IL1RAPL2: variants seen among roughly 807,000 people sequenced by gnomAD.
IL1RAPL2 encodes the protein interleukin 1 receptor accessory protein like 2.
A neutral mutation model predicts 44.1 loss-of-function variants in IL1RAPL2; 3 were observed. The observed-to-expected ratio is 0.07, with a 90% CI of 0.03 to 0.18. IL1RAPL2 has a LOEUF of 0.18. Among genes scored for constraint, IL1RAPL2 ranks in the 10% least tolerant of loss-of-function variants. The pLI is 1.00. For missense variants in IL1RAPL2, 391 were observed against 496.4 expected (o/e 0.79, Z 2.02); for synonymous variants, 181 against 178.8 (o/e 1.01, Z -0.10).
At chrX:104,674,225 G>A (rs1012833731) in intron 2 of IL1RAPL2, among the ~76,000 whole-genome samples, 7 of 111,731 alleles carry the variant, frequency 6.3e-5, no homozygotes, top group African/African-American at 1.3e-4. Context: ...GTATGATATC[G>A]GCTGTGGGTT....
chrX:105,532,254 A>T (rs1470383204), intron 6 of IL1RAPL2, among the ~76,000 whole-genome samples: 1 of 111,510 alleles, frequency 9.0e-6, no homozygotes, highest in Non-Finnish European at 1.9e-5. Context: ...TAACACCACA[A>T]TTTGTTTCTC....
chrX:104,610,344 C>T (rs1929124212), intron 1 of IL1RAPL2, among the ~76,000 whole-genome samples: 1 of 111,035 alleles, frequency 9.0e-6, no homozygotes, highest in Non-Finnish European at 1.9e-5. Flanking sequence ...GTCAAATTGT[C>T]CCTGTTTGCA....
intron 1 of IL1RAPL2, among the ~76,000 whole-genome samples, chrX:104,658,132 A>G (rs1339516124): frequency 8.9e-6 from 1 of 112,180 alleles, no homozygotes; most frequent in East Asian, 2.8e-4. Context: ...TAACCAAAGG[A>G]TTATAAATCA....
chrX:104,702,425 A>G lies in IL1RAPL2; in HGVS notation c.82+43430A>G, dbSNP rs1454022963. Among the ~76,000 whole-genome samples, 4 of 111,977 alleles carry G rather than the reference A, an allele frequency of 3.6e-5. No individual in the cohort carries two copies. The East Asian group carries it at 1.1e-3, about 32-fold the overall frequency. ...GGACATGCCAGGAAGAAGGAAAGGA[A>G]AGCACTTATAGTTTTTACAACAAAA... On this transcript the variant is annotated intron_variant, in intron 2 of 10. Coordinates refer to ENST00000372582, the MANE Select transcript of IL1RAPL2 (RefSeq NM_017416.2).
intron 6 of IL1RAPL2, among the ~76,000 whole-genome samples, chrX:105,679,929 T>C (rs1024861601): frequency 1.8e-5 from 2 of 111,961 alleles, no homozygotes; most frequent in African/African-American, 3.2e-5. Flanking sequence ...AGCTCTTTAT[T>C]ATGTGTGGAC....
At chrX:105,043,582 A>T (rs908669771) in intron 2 of IL1RAPL2, among the ~76,000 whole-genome samples, 2 of 108,280 alleles carry the variant, frequency 1.8e-5, no homozygotes, top group Non-Finnish European at 3.8e-5. Context: ...AAAAAAAAAA[A>T]CATGTTTTGC....
chrX:104,890,579 G>T (rs1923399323), intron 2 of IL1RAPL2, among the ~76,000 whole-genome samples: 1 of 112,232 alleles, frequency 8.9e-6, no homozygotes, highest in Non-Finnish European at 1.9e-5. Context: ...TGGGTCTGTT[G>T]GATGCATAAA....
chrX:105,242,411 A>G (rs1398015721), intron 4 of IL1RAPL2, among the ~76,000 whole-genome samples: 1 of 112,206 alleles, frequency 8.9e-6, no homozygotes, highest in Admixed American at 9.5e-5. Context: ...GCTTTTTCGT[A>G]TAAACATCAC....
At chrX:104,857,104 T>C (rs1369059125) in intron 2 of IL1RAPL2, among the ~76,000 whole-genome samples, 1 of 112,051 alleles carries the variant, frequency 8.9e-6, no homozygotes, top group Non-Finnish European at 1.9e-5. Context: ...CACTCTTTCT[T>C]CACTTTAGCA....
intron 2 of IL1RAPL2, among the ~76,000 whole-genome samples, chrX:105,108,826 A>C (rs1312093021): frequency 8.9e-6 from 1 of 111,854 alleles, no homozygotes; most frequent in Non-Finnish European, 1.9e-5. Flanking sequence ...CGTAAATTAG[A>C]TAATTTCATG....
intron 2 of IL1RAPL2, among the ~76,000 whole-genome samples, chrX:104,989,471 C>A (rs1488123666): frequency 9.0e-6 from 1 of 111,471 alleles, no homozygotes; most frequent in Non-Finnish European, 1.9e-5. Context: ...ATATTTTTTC[C>A]AGTTTGAATC....
At chrX:104,931,997 T>TATA (rs1491095072) in intron 2 of IL1RAPL2, among the ~76,000 whole-genome samples, 2 of 23,477 alleles carry the variant, frequency 8.5e-5, no homozygotes, top group Admixed American at 3.3e-4. Flanking sequence ...TATATATATA[T>TATA]TTTTTTTTTT....
chrX:104,581,249 C>G (rs1016933539), intron 1 of IL1RAPL2, among the ~76,000 whole-genome samples: 6 of 111,791 alleles, frequency 5.4e-5, no homozygotes, highest in African/African-American at 2.0e-4. Flanking sequence ...TAAGAAGGTA[C>G]TAAGCCACTT....
intron 3 of IL1RAPL2, among the ~76,000 whole-genome samples, chrX:105,216,487 A>C (rs919212680): frequency 2.7e-5 from 3 of 111,370 alleles, no homozygotes; most frequent in Non-Finnish European, 5.6e-5. Context: ...GCTCATGGAT[A>C]GGAAGAATTA....
chrX:105,342,231 G>A lies in IL1RAPL2; in HGVS notation c.697+74690G>A, dbSNP rs193234418. ...GCTAAATGATGAGTTAATGGGTACA[G>A]CACAGCAACGTGGCACATGTATACA... On this transcript the variant is annotated intron_variant, in intron 5 of 10. Transcript: ENST00000372582. 4.8e-3 allele frequency among the ~76,000 whole-genome samples: 529 copies of A among 109,498 alleles called. 5 individuals are homozygous for A. Among genetic ancestry groups the A allele is most frequent in the African/African-American group, 0.017 (501 of 29,997 alleles).
At chrX:105,043,528 C>T (rs1569368654) in intron 2 of IL1RAPL2, among the ~76,000 whole-genome samples, 3 of 107,849 alleles carry the variant, frequency 2.8e-5, no homozygotes, top group Non-Finnish European at 5.8e-5. Context: ...AAATAAGTCC[C>T]TTCCGTCTTT....
rs146475441 is a variant in IL1RAPL2, at chrX:104,641,972, G to A, written c.-19-16923G>A. 6.5e-3 allele frequency among the ~76,000 whole-genome samples: 729 copies of A among 111,557 alleles called. 8 individuals carry two copies. The highest frequency in any genetic ancestry group is 0.022 in the African/African-American group (677 of 30,696). ...TCACTCCCTGGAACACTTCCCTCCC[G>A]TGGTCTCCTGGCAGCTCCATATGTT... On this transcript the variant is annotated intron_variant, in intron 1 of 10. Transcript: ENST00000372582.
At chrX:104,621,740 A>C (rs1308358887) in intron 1 of IL1RAPL2, among the ~76,000 whole-genome samples, 1 of 111,508 alleles carries the variant, frequency 9.0e-6, no homozygotes, top group East Asian at 2.8e-4. Flanking sequence ...TTTTTCTCCC[A>C]AAATAGAAGA....
intron 6 of IL1RAPL2, among the ~76,000 whole-genome samples, chrX:105,544,238 T>A (rs2036769587): frequency 8.9e-6 from 1 of 112,048 alleles, no homozygotes; most frequent in African/African-American, 3.2e-5. Flanking sequence ...AGATATACAT[T>A]TTTCTGTATA....
Sources: allele counts gnomAD v4.1 joint callset (sites outside exome capture counted in the v4.1 genomes callset), GRCh38; gene constraint gnomAD v4.1.1; transcripts MANE v1.5; gene names NCBI Gene and HGNC (gene_info 2026-07-23, HGNC 2026-07-21).